RSRC1: variants seen among roughly 807,000 people sequenced by gnomAD.
The protein encoded by RSRC1 is arginine and serine rich coiled-coil 1.
RSRC1 carries 39 observed loss-of-function variants against 49.1 expected under a neutral mutation model. The ratio of observed to expected loss-of-function variants is 0.79; its 90% CI spans 0.61 to 1.04. RSRC1 has a LOEUF of 1.04. Ranked by LOEUF, RSRC1 falls within the 50% of genes least tolerant of loss-of-function variation. The pLI is 0.00. For synonymous variants in RSRC1, 143 were observed against 130.8 expected (o/e 1.09, Z -0.63); for missense variants, 388 against 402.4 (o/e 0.96, Z 0.31).
chr3:158,499,851 T>G (rs540965740), intron 7 of RSRC1, among the ~76,000 whole-genome samples: 292 of 152,326 alleles, frequency 1.9e-3, no homozygotes, highest in Non-Finnish European at 3.3e-3. Flanking sequence ...TTGGATGCCC[T>G]TTATTTCCTT....
chr3:158,306,865 T>C (rs1355834627), intron 5 of RSRC1, among the ~76,000 whole-genome samples: 1 of 151,988 alleles, frequency 6.6e-6, no homozygotes, highest in Non-Finnish European at 1.5e-5. Context: ...TTCAGCTTTT[T>C]ATTTATTTTT....
chr3:158,244,855 A>G (rs939848789), intron 4 of RSRC1, among the ~76,000 whole-genome samples: 3 of 151,986 alleles, frequency 2.0e-5, no homozygotes, highest in Admixed American at 6.6e-5. Context: ...CCATCTTTGG[A>G]CGATATACGT....
chr3:158,244,442 G>C (rs935513107), intron 4 of RSRC1, among the ~76,000 whole-genome samples: 1 of 152,090 alleles, frequency 6.6e-6, no homozygotes, highest in Non-Finnish European at 1.5e-5. Flanking sequence ...TGCATATGTT[G>C]AACCAGCCTT....
intron 7 of RSRC1, among the ~76,000 whole-genome samples, chr3:158,500,951 G>C (rs775380490): frequency 6.6e-6 from 1 of 151,966 alleles, no homozygotes. Flanking sequence ...TGTGACCTTA[G>C]AATGTCAGTT....
chr3:158,193,779 GTGA>G (rs1160107636), intron 3 of RSRC1, among the ~76,000 whole-genome samples: 1 of 152,072 alleles, frequency 6.6e-6, no homozygotes, highest in Admixed American at 6.6e-5. Flanking sequence ...ACAGTAAGTT[GTGA>G]TGATAAAATT....
chr3:158,461,880 C>T (rs1041676199), intron 7 of RSRC1, among the ~76,000 whole-genome samples: 1 of 150,840 alleles, frequency 6.6e-6, no homozygotes, highest in African/African-American at 2.4e-5. Flanking sequence ...TTTATTGTAA[C>T]AACCAGAAGA....
intron 7 of RSRC1, among the ~76,000 whole-genome samples, chr3:158,526,622 A>G (rs1034598607): frequency 1.3e-5 from 2 of 152,018 alleles, no homozygotes; most frequent in Non-Finnish European, 2.9e-5. Flanking sequence ...AGCACCTGGC[A>G]TAAATACATG....
intron 5 of RSRC1, among the ~76,000 whole-genome samples, chr3:158,312,793 C>G (rs1199234559): frequency 6.6e-6 from 1 of 152,078 alleles, no homozygotes; most frequent in Non-Finnish European, 1.5e-5. Context: ...ACCATGTCTT[C>G]CTCTCCACCC....
At chr3:158,385,649 A>G (rs553892318) in intron 6 of RSRC1, among the ~76,000 whole-genome samples, 1 of 152,282 alleles carries the variant, frequency 6.6e-6, no homozygotes, top group South Asian at 2.1e-4. Flanking sequence ...TGGAGAAATA[A>G]CTGTGCTATT....
At chr3:158,247,841 G>A (rs1723991349) in intron 4 of RSRC1, among the ~76,000 whole-genome samples, 1 of 152,146 alleles carries the variant, frequency 6.6e-6, no homozygotes, top group Admixed American at 6.5e-5. Context: ...GTGAGTAGAT[G>A]TTCCCTTAGC....
At chr3:158,474,061 A>T (rs1738264088) in intron 7 of RSRC1, among the ~76,000 whole-genome samples, 1 of 152,178 alleles carries the variant, frequency 6.6e-6, no homozygotes, top group Non-Finnish European at 1.5e-5. Flanking sequence ...AAGCTAGGTC[A>T]GAAGTACCTT....
chr3:158,495,674 G>A (rs1739289696), intron 7 of RSRC1, among the ~76,000 whole-genome samples: 2 of 152,134 alleles, frequency 1.3e-5, no homozygotes, highest in Admixed American at 1.3e-4. Context: ...ATTGAAATGT[G>A]TTTTAGTGAC....
intron 3 of RSRC1, among the ~76,000 whole-genome samples, chr3:158,128,352 G>C (rs1039769438): frequency 7.9e-5 from 12 of 152,118 alleles, no homozygotes; most frequent in African/African-American, 2.7e-4. Context: ...GCGCTTGCCC[G>C]GAGTACTGCA....
intron 4 of RSRC1, among the ~76,000 whole-genome samples, chr3:158,229,289 C>CGTATATGTGTATGTATATAAACAT (rs1553771830): frequency 2.4e-5 from 1 of 41,870 alleles, no homozygotes; most frequent in African/African-American, 1.2e-4. Flanking sequence ...TAAACATACA[C>CGTATATGTGTATGTATATAAACAT]ACACGTATAT....
intron 3 of RSRC1, among the ~76,000 whole-genome samples, chr3:158,131,616 G>A (rs1273336260): frequency 6.6e-6 from 1 of 152,122 alleles, no homozygotes; most frequent in South Asian, 2.1e-4. Flanking sequence ...TTCACTCTCC[G>A]GGTTCTTTTG....
At chr3:158,113,159 C>T (rs1218810253) in intron 1 of RSRC1, among the ~76,000 whole-genome samples, 3 of 152,058 alleles carry the variant, frequency 2.0e-5, no homozygotes, top group African/African-American at 7.2e-5. Flanking sequence ...GATATATACC[C>T]AGTAATGGGA....
chr3:158,513,206 G>GAATGCTTTGA (rs1225824954), intron 7 of RSRC1, among the ~76,000 whole-genome samples: 1 of 149,322 alleles, frequency 6.7e-6, no homozygotes. Flanking sequence ...TTTTCAAAGG[G>GAATGCTTTGA]AATGCTTCCA....
intron 4 of RSRC1, among the ~76,000 whole-genome samples, chr3:158,259,164 A>G (rs764530256): frequency 6.6e-6 from 1 of 151,974 alleles, no homozygotes; most frequent in East Asian, 1.9e-4. Context: ...TCTGGGCATT[A>G]TTATTGTAGC....
chr3:158,449,436 C>T (rs1004154801), intron 6 of RSRC1, among the ~76,000 whole-genome samples: 1 of 151,874 alleles, frequency 6.6e-6, no homozygotes, highest in Non-Finnish European at 1.5e-5. Context: ...AAATAATTCT[C>T]TTTACTGCAG....
Sources: allele counts gnomAD v4.1 joint callset (sites outside exome capture counted in the v4.1 genomes callset), GRCh38; gene constraint gnomAD v4.1.1; transcripts MANE v1.5; gene names NCBI Gene and HGNC (gene_info 2026-07-23, HGNC 2026-07-21).